SLC8A3: variants seen among roughly 807,000 people sequenced by gnomAD.
SLC8A3 encodes solute carrier family 8 member A3.
In SLC8A3, 37 loss-of-function variants were observed where a neutral mutation model predicts 65.4. The ratio of observed to expected loss-of-function variants is 0.57; its 90% CI spans 0.44 to 0.74. The LOEUF (loss-of-function observed/expected upper bound fraction) is 0.74, where lower values mean the gene tolerates loss of function less well. Ranked by LOEUF, SLC8A3 falls within the 30% of genes least tolerant of loss-of-function variation. The pLI, the probability that SLC8A3 is intolerant of heterozygous loss-of-function variation, is 0.00. For missense variants in SLC8A3, 1,112 were observed against 1,172.1 expected (o/e 0.95, Z 0.75); for synonymous variants, 461 against 444.5 (o/e 1.04, Z -0.47).
At chr14:70,186,155 A>T (rs1219836010) in intron 1 of SLC8A3, among the ~76,000 whole-genome samples, 1 of 151,824 alleles carries the variant, frequency 6.6e-6, no homozygotes, top group Non-Finnish European at 1.5e-5. Context: ...ACAAGATCTG[A>T]TGGCTTTGTA....
In SLC8A3 at chr14:70,151,087, T is replaced by G. The variant is rs369259252; in HGVS notation, c.1784+15552A>C. ...GGCCAACATGGTGAAACCCCACCTC[T>G]GCTAAAAGTACAAAAAATTGGCCAG... On this transcript the variant is annotated intron_variant, in intron 2 of 6. Coordinates refer to ENST00000356921, the MANE Select transcript of SLC8A3 (RefSeq NM_182932.3). 3.3e-5 allele frequency among the ~76,000 whole-genome samples: 5 copies of G among 152,008 alleles called. No homozygotes were observed. In the East Asian group the frequency reaches 7.7e-4, roughly 24 times the overall value.
intron 2 of SLC8A3, among the ~76,000 whole-genome samples, chr14:70,073,983 A>T (rs138352727): frequency 1.8e-4 from 28 of 152,328 alleles, no homozygotes; most frequent in African/African-American, 6.7e-4. Flanking sequence ...GAGCAGAGAA[A>T]ATATTTCAAT....
intron 1 of SLC8A3, among the ~76,000 whole-genome samples, chr14:70,172,006 G>T (rs142885848): frequency 3.2e-4 from 48 of 152,184 alleles, no homozygotes; most frequent in Admixed American, 8.5e-4. Flanking sequence ...TTATGCAATT[G>T]CCCCGGCCCA....
At chr14:70,106,719 A>T (rs993981880) in intron 2 of SLC8A3, among the ~76,000 whole-genome samples, 47 of 152,278 alleles carry the variant, frequency 3.1e-4, no homozygotes, top group African/African-American at 1.1e-3. Context: ...ATTTGATTTG[A>T]TTAAATTCTT....
intron 2 of SLC8A3, among the ~76,000 whole-genome samples, chr14:70,085,773 A>G (rs1479728007): frequency 6.6e-6 from 1 of 152,228 alleles, no homozygotes; most frequent in Non-Finnish European, 1.5e-5. Context: ...TTAATAAAAT[A>G]ACAGCTAATA....
intron 1 of SLC8A3, among the ~76,000 whole-genome samples, chr14:70,185,093 A>G (rs1270170101): frequency 1.3e-5 from 2 of 150,684 alleles, no homozygotes; most frequent in African/African-American, 4.9e-5. Context: ...CAGCCTCCTG[A>G]GTAAGTGGGA....
intron 3 of SLC8A3, among the ~76,000 whole-genome samples, chr14:70,053,018 C>T (rs1425662863): frequency 6.6e-6 from 1 of 152,092 alleles, no homozygotes; most frequent in African/African-American, 2.4e-5. Context: ...GACTATAAGC[C>T]AAGGGTTTAA....
intron 6 of SLC8A3, 139 bp downstream of exon 6, chr14:70,048,628 T>C: frequency 1.3e-6 from 1 of 768,100 alleles, no homozygotes; most frequent in East Asian, 2.7e-5. Flanking sequence ...ATCTCTTTGA[T>C]TGACTTTTGT....
chr14:70,061,399 A>G (rs1051357575), intron 2 of SLC8A3, among the ~76,000 whole-genome samples: 1 of 152,166 alleles, frequency 6.6e-6, no homozygotes, highest in South Asian at 2.1e-4. Context: ...TCTTCCCACA[A>G]CAGGGAATAT....
intron 2 of SLC8A3, among the ~76,000 whole-genome samples, chr14:70,130,316 G>T (rs185168498): frequency 1.4e-4 from 22 of 152,310 alleles, no homozygotes; most frequent in Non-Finnish European, 2.9e-4. Flanking sequence ...TGACCAACCT[G>T]TTCCCGCCCC....
intron 5 of SLC8A3, among the ~76,000 whole-genome samples, chr14:70,050,184 T>G (rs563344122): frequency 1.3e-5 from 2 of 152,222 alleles, no homozygotes; most frequent in South Asian, 4.2e-4. Flanking sequence ...TTTATTGTCT[T>G]GAGGGGCACA....
At chr14:70,080,918 A>G (rs1890997197) in intron 2 of SLC8A3, among the ~76,000 whole-genome samples, 1 of 152,220 alleles carries the variant, frequency 6.6e-6, no homozygotes, top group South Asian at 2.1e-4. Flanking sequence ...AGGAAATGAC[A>G]TAGATAGGTT....
chr14:70,131,616 A>G (rs1894833849), intron 2 of SLC8A3, among the ~76,000 whole-genome samples: 1 of 152,256 alleles, frequency 6.6e-6, no homozygotes, highest in African/African-American at 2.4e-5. Context: ...GTCAAGTTGT[A>G]TAATTCAAGT....
At chr14:70,104,019 A>C (rs1892699179) in intron 2 of SLC8A3, among the ~76,000 whole-genome samples, 4 of 152,116 alleles carry the variant, frequency 2.6e-5, no homozygotes, top group Admixed American at 6.5e-5. Flanking sequence ...CAAGATAAAG[A>C]ATATGACCAG....
At chr14:70,105,333 A>C (rs180698692) in intron 2 of SLC8A3, among the ~76,000 whole-genome samples, 14 of 152,320 alleles carry the variant, frequency 9.2e-5, no homozygotes, top group African/African-American at 3.4e-4. Flanking sequence ...TGTCTCAAAT[A>C]AGAAAAAATA....
At chr14:70,098,864 G>A (rs72729889) in intron 2 of SLC8A3, among the ~76,000 whole-genome samples, 8,853 of 152,300 alleles carry the variant, frequency 0.058, 263 homozygotes, top group African/African-American at 0.065. Flanking sequence ...AAGTGCAGAA[G>A]AGAAAGGTTG....
intron 2 of SLC8A3, among the ~76,000 whole-genome samples, chr14:70,120,943 G>A (rs1450341754): frequency 2.0e-5 from 3 of 152,010 alleles, no homozygotes; most frequent in African/African-American, 2.4e-5. Context: ...CTGTCTATAC[G>A]GCCATTTCTA....
intron 2 of SLC8A3, among the ~76,000 whole-genome samples, chr14:70,088,892 C>T (rs1335978096): frequency 1.3e-5 from 2 of 152,160 alleles, no homozygotes; most frequent in African/African-American, 4.8e-5. Flanking sequence ...CTACTTCTAC[C>T]TCATGAACAC....
chr14:70,086,920 A>C (rs1891485622), intron 2 of SLC8A3, among the ~76,000 whole-genome samples: 1 of 151,932 alleles, frequency 6.6e-6, no homozygotes. Flanking sequence ...ACCCTCTACT[A>C]CCCAGAGTCA....
Sources: allele counts gnomAD v4.1 joint callset (sites outside exome capture counted in the v4.1 genomes callset), GRCh38; gene constraint gnomAD v4.1.1; transcripts MANE v1.5; gene names NCBI Gene and HGNC (gene_info 2026-07-23, HGNC 2026-07-21).